MYOM2: variants seen among roughly 807,000 people sequenced by gnomAD.
MYOM2 encodes the protein myomesin-2.
Under a neutral mutation model 187.6 loss-of-function variants are expected in MYOM2, and 254 were observed. The observed-to-expected ratio is 1.35, with a 90% confidence interval of 1.22 to 1.50. The LOEUF (loss-of-function observed/expected upper bound fraction) is 1.50, where lower values mean the gene tolerates loss of function less well. Among genes scored for constraint, MYOM2 ranks in the 40% most tolerant of loss-of-function variants. The pLI, the probability that MYOM2 is intolerant of heterozygous loss-of-function variation, is 0.00. For synonymous variants in MYOM2, 981 were observed against 753.8 expected, an observed-to-expected ratio of 1.30 and a Z score of -4.94; for missense variants, 2,796 against 1,924.0, an observed-to-expected ratio of 1.45 and a Z score of -8.48.
chr8:2,073,370 G>T lies in MYOM2; in HGVS notation c.990G>T (p.Lys330Asn). Residue 330 changes from lysine to asparagine, a missense_variant, in exon 10 of 37, where the codon AAG becomes AAT. Lys to Asn is a moderately conservative substitution (Grantham distance 94). Coordinates refer to ENST00000262113, the MANE Select transcript of MYOM2 (RefSeq NM_003970.4). ...TGTTGAAAGAGTCCAAGTGGACGAA[G>T]ATGTTCTTTGGAGAAGGCCAGGCCT... The part of the protein sequence containing the change: ...DVLLKESKWT[K>N]MFFGEGQASL... 1 of 1,612,936 alleles carries T rather than the reference G, an allele frequency of 6.2e-7. No homozygotes were observed. The highest frequency in any genetic ancestry group is 8.5e-7 in the Non-Finnish European group (1 of 1,179,320).
At chr8:2,071,919 C>T (rs1386328245) in intron 8 of MYOM2, among the ~76,000 whole-genome samples, 1 of 152,180 alleles carries the variant, frequency 6.6e-6, no homozygotes. Context: ...TGGGGTCCCA[C>T]TCTCACGATC....
In MYOM2 at chr8:2,133,898, C is replaced by T. The variant is rs115693845; in HGVS notation, c.3800+4666C>T. Among the ~76,000 whole-genome samples, 1,132 of 152,248 alleles carry T rather than the reference C, an allele frequency of 7.4e-3. 15 individuals carry two copies. The highest frequency in any genetic ancestry group is 0.026 in the African/African-American group (1,081 of 41,522). Reference sequence around the variant, plus strand: ...GTTCACTGTGAAATAATTTTAGACTCATAGAAAAGTTGAGAAGAAAGTAAG... The same window carrying T: ...GTTCACTGTGAAATAATTTTAGACTTATAGAAAAGTTGAGAAGAAAGTAAG... On this transcript the variant is annotated intron_variant, in intron 32 of 36. Coordinates refer to ENST00000262113, the MANE Select transcript of MYOM2 (RefSeq NM_003970.4).
intron 25 of MYOM2, among the ~76,000 whole-genome samples, chr8:2,115,017 C>T (rs1015816249): frequency 6.6e-6 from 1 of 151,730 alleles, no homozygotes. Context: ...ATTACACAGG[C>T]TGATTGATGT....
chr8:2,141,932 C>A (rs1426102782), intron 34 of MYOM2, among the ~76,000 whole-genome samples: 1 of 152,188 alleles, frequency 6.6e-6, no homozygotes, highest in Non-Finnish European at 1.5e-5. Context: ...CGAGTCTTCG[C>A]ACATCCGAAG....
rs1042479114 is a variant in MYOM2 at position 2,050,801 on chromosome 8, G to A, written c.35G>A (p.Arg12Lys). Residue 12 changes from arginine to lysine, a missense_variant, in exon 2 of 37, where the codon AGA (arginine) becomes AAA (lysine). Physicochemically the swap from Arg to Lys is conservative, Grantham distance 26 (BLOSUM62 2). Transcript: ENST00000262113. ...SLVTVPFYQK[R>K]HRHFDQSYRN... is the part of the protein sequence containing the mutation. The stretch of plus-strand genomic sequence containing the variant: ...GTGACTGTCCCCTTCTACCAGAAGA[G>A]ACATAGGCACTTCGACCAGTCCTAC... 6.8e-6 allele frequency: 11 copies of A among 1,613,398 alleles called. No homozygotes were observed. The highest frequency in any genetic ancestry group is 3.3e-4 in the Middle Eastern group (2 of 6,082).
At chr8:2,139,193 T>C (rs1249556572) in intron 32 of MYOM2, among the ~76,000 whole-genome samples, 2 of 152,156 alleles carry the variant, frequency 1.3e-5, no homozygotes, top group Admixed American at 6.5e-5. Flanking sequence ...CAGGCCGGAG[T>C]GCGGTGGTGT....
At chr8:2,113,368 T>C (rs1797130846) in intron 25 of MYOM2, among the ~76,000 whole-genome samples, 1 of 152,192 alleles carries the variant, frequency 6.6e-6, no homozygotes, top group Admixed American at 6.5e-5. Context: ...CCTTTCAGTA[T>C]CTGTTAGCAC....
intron 6 of MYOM2, among the ~76,000 whole-genome samples, chr8:2,062,750 G>T (rs1305442416): frequency 6.6e-6 from 1 of 152,152 alleles, no homozygotes; most frequent in African/African-American, 2.4e-5. Flanking sequence ...TTTCTACCCT[G>T]TGTGTGCTGT....
intron 32 of MYOM2, among the ~76,000 whole-genome samples, chr8:2,129,803 C>A (rs1181647403): frequency 6.6e-6 from 1 of 152,134 alleles, no homozygotes; most frequent in African/African-American, 2.4e-5. Context: ...CCTCTGGGTT[C>A]TGGCTACTTC....
chr8:2,123,246 T>G lies in MYOM2; in HGVS notation c.3454-6T>G, dbSNP rs1392092681. 6.3e-7 allele frequency: 1 copy of G among 1,597,224 alleles called. No individual in the cohort carries two copies. Among genetic ancestry groups the G allele is most frequent in the African/African-American group, 1.3e-5 (1 of 74,434 alleles). ...ACACACTAAACTTAAGCTTTCTACC[T>G]CACAGGTTGCAAACACCAAGAAAGA... On this transcript the variant is annotated splice_region_variant and splice_polypyrimidine_tract_variant and intron_variant, in intron 28 of 36. Coordinates refer to ENST00000262113, the MANE Select transcript of MYOM2 (RefSeq NM_003970.4).
At chr8:2,135,872 G>T (rs1210019576) in intron 32 of MYOM2, among the ~76,000 whole-genome samples, 1 of 152,350 alleles carries the variant, frequency 6.6e-6, no homozygotes, top group Admixed American at 6.5e-5. Flanking sequence ...ACTAGGACGT[G>T]TTTGGCCCTC....
chr8:2,100,508 G>T lies in MYOM2; in HGVS notation c.2441-368G>T, dbSNP rs117505287. The T allele has an allele frequency of 2.2e-3, 542 of 243,266 alleles. 3 individuals carry two copies. Among genetic ancestry groups the T allele is most frequent in the Non-Finnish European group, 3.0e-3 (370 of 122,618 alleles). 15.1% of individuals were successfully genotyped at this position (243,266 alleles called of 1,614,324 possible). A position where few individuals can be genotyped will look rare whatever the true frequency, so the allele number is the denominator to read the frequency against. On this transcript the variant is annotated intron_variant, in intron 19 of 36. Transcript: ENST00000262113. ...GATGTGCTTCCGGCCAGGTAGGCAG[G>T]CTCCCTGAGTGACTGTGACTGCCAG...
intron 13 of MYOM2, among the ~76,000 whole-genome samples, chr8:2,084,395 C>G (rs1334665148): frequency 1.3e-5 from 2 of 152,174 alleles, no homozygotes; most frequent in African/African-American, 4.8e-5. Context: ...GCTACAGAGT[C>G]CTGAGGGAGC....
intron 36 of MYOM2, 129 bp downstream of exon 36, chr8:2,143,585 C>G: frequency 1.8e-6 from 2 of 1,104,700 alleles, no homozygotes; most frequent in Admixed American, 1.9e-5. Flanking sequence ...TGCAGGGAAC[C>G]CAGAGTCCCC....
intron 10 of MYOM2, 52 bp downstream of exon 10, chr8:2,073,552 G>C (rs749475053): frequency 6.5e-7 from 1 of 1,533,886 alleles, no homozygotes; most frequent in Non-Finnish European, 8.7e-7. Flanking sequence ...CCCGGGGAGG[G>C]GAGGCAGCCC....
Position 2,092,387 on chromosome 8 carries a change from A to G in MYOM2, c.1870A>G (p.Thr624Ala). The G allele has an allele frequency of 6.2e-7, 1 of 1,614,148 alleles. No homozygotes were observed. The highest frequency in any genetic ancestry group is 8.5e-7 in the Non-Finnish European group (1 of 1,180,020). ...GGGTCGGGTTCTTGCTTCCCGAAACACCAAGACGTCGGTGGTGGTGCAGTG... is the reference window on the plus strand; with the variant it reads ...GGGTCGGGTTCTTGCTTCCCGAAACGCCAAGACGTCGGTGGTGGTGCAGTG... ...APGRVLASRN[T>A]KTSVVVQWDR... The change falls in exon 16 of 37, where the codon ACC becomes GCC. Residue 624 changes from threonine (T) to alanine (A), a missense_variant. Coordinates refer to ENST00000262113, the MANE Select transcript of MYOM2 (RefSeq NM_003970.4).
At position 2,120,689 on chromosome 8, in the gene MYOM2, A is replaced by ATATATATATAT; in HGVS notation, c.3454-2563_3454-2562insTATATATATAT. Among the ~76,000 whole-genome samples the ATATATATATAT allele has an allele frequency of 8.3e-4, 35 of 42,384 alleles. 1 individual carries two copies. The highest frequency in any genetic ancestry group is 1.3e-3 in the Non-Finnish European group (27 of 21,400). 27.8% of individuals were successfully genotyped at this position (42,384 alleles called of 152,430 possible). A position where few individuals can be genotyped will look rare whatever the true frequency, so the allele number is the denominator to read the frequency against. On this transcript the variant is annotated intron_variant, in intron 28 of 36. Coordinates refer to ENST00000262113, the MANE Select transcript of MYOM2 (RefSeq NM_003970.4). ...ATATATATATATTATATTATATATA[A>ATATATATATAT]ATATATAATATATATATTTTAATTG... is the stretch of plus-strand genomic sequence containing the variant.
intron 8 of MYOM2, among the ~76,000 whole-genome samples, chr8:2,070,261 C>T (rs1819167913): frequency 6.6e-6 from 1 of 152,200 alleles, no homozygotes; most frequent in Non-Finnish European, 1.5e-5. Flanking sequence ...GATGGAAGCA[C>T]TGATTTTACT....
At chr8:2,053,181 T>G (rs902759768) in intron 3 of MYOM2, among the ~76,000 whole-genome samples, 4 of 152,350 alleles carry the variant, frequency 2.6e-5, no homozygotes, top group Non-Finnish European at 5.9e-5. Context: ...TTTGAAAGTT[T>G]CAGAAAGATG....
Sources: gnomAD v4.1 joint callset for allele counts (sites outside exome capture counted in the v4.1 genomes callset) on GRCh38, gnomAD v4.1.1 for gene constraint, MANE v1.5 for transcripts, NCBI Gene and HGNC (gene_info 2026-07-23, HGNC 2026-07-21) for gene names.